Variants in NRXN1 observed in about 807,000 individuals in gnomAD.
The protein encoded by NRXN1 is neurexin 1, also known as neurexin-1.
In NRXN1, 39 loss-of-function variants were observed where a neutral mutation model predicts 150.9. The ratio of observed to expected loss-of-function variants is 0.26; its 90% confidence interval spans 0.20 to 0.34. The LOEUF is 0.34. NRXN1 is among the 10% of genes least tolerant of loss of function. The probability of loss-of-function intolerance (pLI) is 1.00; values close to 1 mark genes in which losing one functional copy is unlikely to be tolerated. For missense variants in NRXN1, 1,815 were observed against 1,949.9 expected, an observed-to-expected ratio of 0.93 and a Z score of 1.30; for synonymous variants, 924 against 757.0, an observed-to-expected ratio of 1.22 and a Z score of -3.62.
At chr2:50,934,461 T>C (rs985755537) in intron 2 of NRXN1, among the ~76,000 whole-genome samples, 2 of 152,158 alleles carry the variant, frequency 1.3e-5, no homozygotes, top group Non-Finnish European at 2.9e-5. Context: ...CATGATTGAA[T>C]ATGTAACCAC....
chr2:50,885,804 C>T (rs959952537), intron 5 of NRXN1, among the ~76,000 whole-genome samples: 3 of 132,756 alleles, frequency 2.3e-5, no homozygotes, highest in Non-Finnish European at 3.4e-5. Flanking sequence ...ATGTCTAAAT[C>T]GTAAATATTT....
intron 2 of NRXN1, among the ~76,000 whole-genome samples, chr2:50,962,964 G>C (rs1018161994): frequency 2.6e-5 from 4 of 151,578 alleles, no homozygotes; most frequent in African/African-American, 4.8e-5. Flanking sequence ...TAGTCCTGTT[G>C]TCTAGGGATT....
intron 5 of NRXN1, among the ~76,000 whole-genome samples, chr2:50,863,056 A>G (rs1006841757): frequency 6.6e-6 from 1 of 152,078 alleles, no homozygotes; most frequent in African/African-American, 2.4e-5. Context: ...GAAGAAAAGG[A>G]TAACAGGATA....
chr2:50,551,074 AGAGGAG>A (rs1190766975), intron 9 of NRXN1, among the ~76,000 whole-genome samples: 52 of 110,768 alleles, frequency 4.7e-4, no homozygotes, highest in East Asian at 1.0e-3. Context: ...AAGAAGAAGA[AGAGGAG>A]GAGGAGGAGG....
intron 8 of NRXN1, among the ~76,000 whole-genome samples, chr2:50,608,041 C>T (rs984069272): frequency 1.3e-5 from 2 of 151,874 alleles, no homozygotes; most frequent in South Asian, 2.1e-4. Context: ...AAATGAGAAG[C>T]CCACATGGGT....
chr2:50,842,650 G>A (rs909671877), intron 5 of NRXN1, among the ~76,000 whole-genome samples: 11 of 152,288 alleles, frequency 7.2e-5, no homozygotes, highest in African/African-American at 2.6e-4. Context: ...TTGTCTGTGA[G>A]TAATAAATTA....
intron 5 of NRXN1, among the ~76,000 whole-genome samples, chr2:50,798,857 T>A (rs1484981220): frequency 1.3e-5 from 2 of 152,226 alleles, no homozygotes; most frequent in Non-Finnish European, 2.9e-5. Flanking sequence ...GATTAGAAGA[T>A]CTTGCTAAAA....
intron 5 of NRXN1, among the ~76,000 whole-genome samples, chr2:50,830,921 G>A (rs1336810151): frequency 2.6e-5 from 4 of 151,788 alleles, no homozygotes; most frequent in Admixed American, 6.6e-5. Flanking sequence ...TCGTAGCAGC[G>A]CTATTTATTT....
At chr2:50,484,048 T>C (rs945424584) in intron 15 of NRXN1, among the ~76,000 whole-genome samples, 2 of 152,280 alleles carry the variant, frequency 1.3e-5, no homozygotes, top group South Asian at 2.1e-4. Context: ...ATACGTCTCT[T>C]TAATGTAGGT....
intron 5 of NRXN1, among the ~76,000 whole-genome samples, chr2:50,784,818 G>A (rs556789985): frequency 1.3e-5 from 2 of 152,170 alleles, no homozygotes; most frequent in East Asian, 3.9e-4. Context: ...TGGTAATAGT[G>A]AGGACAGGAA....
At chr2:50,580,437 G>C (rs1028225033) in intron 8 of NRXN1, among the ~76,000 whole-genome samples, 2 of 151,994 alleles carry the variant, frequency 1.3e-5, no homozygotes, top group African/African-American at 4.8e-5. Flanking sequence ...AATTAACTAA[G>C]GTCTGAAAAT....
intron 2 of NRXN1, among the ~76,000 whole-genome samples, chr2:50,942,640 T>C (rs1046459089): frequency 6.6e-6 from 1 of 152,192 alleles, no homozygotes; most frequent in African/African-American, 2.4e-5. Context: ...ATGGGGCCTG[T>C]AGCCCCTTTG....
intron 5 of NRXN1, among the ~76,000 whole-genome samples, chr2:50,789,317 A>G (rs1705605419): frequency 6.6e-6 from 1 of 152,152 alleles, no homozygotes. Flanking sequence ...AAATGCAATC[A>G]TGAAATGATA....
intron 8 of NRXN1, among the ~76,000 whole-genome samples, chr2:50,557,319 A>T (rs1339992961): frequency 6.6e-6 from 1 of 152,232 alleles, no homozygotes; most frequent in East Asian, 1.9e-4. Flanking sequence ...ACTTTTCATT[A>T]CTTAACTATG....
intron 9 of NRXN1, among the ~76,000 whole-genome samples, chr2:50,539,590 A>G (rs993348222): frequency 9.2e-5 from 14 of 152,230 alleles, no homozygotes; most frequent in African/African-American, 3.1e-4. Context: ...CAGATTACCA[A>G]AATTCCACTG....
At chr2:50,398,483 GA>G (rs143229325) in intron 17 of NRXN1, among the ~76,000 whole-genome samples, 3,392 of 151,764 alleles carry the variant, frequency 0.022, 125 homozygotes, top group African/African-American at 0.077. Flanking sequence ...GTTAGGCAGA[GA>G]AAAAAAACAG....
chr2:50,159,941 T>C (rs2059260717), intron 18 of NRXN1, among the ~76,000 whole-genome samples: 1 of 152,178 alleles, frequency 6.6e-6, no homozygotes, highest in Admixed American at 6.6e-5. Flanking sequence ...AACTGTCCTC[T>C]TTATTTTATA....
chr2:50,855,449 C>T (rs1401481064), intron 5 of NRXN1, among the ~76,000 whole-genome samples: 1 of 151,932 alleles, frequency 6.6e-6, no homozygotes, highest in Non-Finnish European at 1.5e-5. Flanking sequence ...AATTCAAATT[C>T]AATTCTGCAA....
chr2:50,601,653 A>G lies in NRXN1; in HGVS notation c.1320+18369T>C, dbSNP rs1015848571. On this transcript the variant is annotated intron_variant, in intron 8 of 22. Coordinates refer to ENST00000401669, the MANE Select transcript of NRXN1 (RefSeq NM_001330078.2). ...ATGTATTTGTAAGTTTTTCCTAACA[A>G]TGTTGCCGTCCATTAAGGACTGTTT... 2.6e-5 allele frequency among the ~76,000 whole-genome samples: 4 copies of G among 152,206 alleles called. No individual in the cohort carries two copies. The East Asian group carries it at 5.8e-4, about 22-fold the overall frequency.
Sources: allele counts gnomAD v4.1 joint callset (sites outside exome capture counted in the v4.1 genomes callset), GRCh38; gene constraint gnomAD v4.1.1; transcripts MANE v1.5; gene names NCBI Gene and HGNC (gene_info 2026-07-23, HGNC 2026-07-21).